CRTAC1: variants seen among roughly 807,000 people sequenced by gnomAD.
CRTAC1 encodes acidic secreted protein in cartilage.
In CRTAC1, 37 loss-of-function variants were observed where a neutral mutation model predicts 67.8. The ratio of observed to expected loss-of-function variants is 0.55; its 90% CI spans 0.42 to 0.72. The LOEUF is 0.72. CRTAC1 is among the 30% of genes least tolerant of loss of function. The probability of loss-of-function intolerance (pLI) is 0.00; values close to 1 mark genes in which losing one functional copy is unlikely to be tolerated. For missense variants in CRTAC1, 780 were observed against 931.6 expected, an observed-to-expected ratio of 0.84 and a Z score of 2.12; for synonymous variants, 348 against 371.0, an observed-to-expected ratio of 0.94 and a Z score of 0.71.
chr10:97,885,784 G>A (rs1203914444), intron 11 of CRTAC1, among the ~76,000 whole-genome samples: 4 of 152,152 alleles, frequency 2.6e-5, no homozygotes, highest in Non-Finnish European at 5.9e-5. Context: ...GCAGATGTGG[G>A]GACACGGGGT....
chr10:97,895,592 T>C lies in CRTAC1; in HGVS notation c.1318-179A>G, dbSNP rs1564882772. 1.3e-5 allele frequency among the ~76,000 whole-genome samples: 2 copies of C among 151,962 alleles called. No homozygotes were observed. Among genetic ancestry groups the C allele is most frequent in the Admixed American group, 6.5e-5 (1 of 15,268 alleles). The stretch of plus-strand genomic sequence containing the variant: ...GAAAAATGAATGAGGCGAAGACAGA[T>C]TGGCTGAATGAAGGAGAGGCACTGC... On this transcript the variant is annotated intron_variant, in intron 10 of 14. Transcript: ENST00000370597. This position sits in a 1 kb window ranked among gnomAD's most constrained non-coding sequence, Gnocchi z 4.2.
intron 14 of CRTAC1, chr10:97,867,354 A>G (rs1385482955): frequency 1.3e-5 from 2 of 152,198 alleles, no homozygotes; most frequent in African/African-American, 2.4e-5. Context: ...GGGGCTGCCT[A>G]TCTCAGTTGG....
intron 11 of CRTAC1, among the ~76,000 whole-genome samples, chr10:97,892,040 T>G (rs994695002): frequency 1.1e-4 from 16 of 152,296 alleles, no homozygotes; most frequent in African/African-American, 3.6e-4. Context: ...TCCCAGGGCC[T>G]TGCAAAATAG....
chr10:97,938,310 G>C (rs1417909059), intron 2 of CRTAC1, among the ~76,000 whole-genome samples: 2 of 152,198 alleles, frequency 1.3e-5, no homozygotes, highest in African/African-American at 4.8e-5. Context: ...GGCTGAACAC[G>C]AGTCTTGCAA....
chr10:97,959,701 GA>G (rs1207575430), intron 2 of CRTAC1, among the ~76,000 whole-genome samples: 7 of 152,218 alleles, frequency 4.6e-5, no homozygotes, highest in Non-Finnish European at 1.0e-4. Context: ...AGGTAAGGCG[GA>G]TATGTTGTCC....
chr10:97,901,718 G>T, intron 7 of CRTAC1, 79 bp from the exon 8 acceptor site: 1 of 1,549,870 alleles, frequency 6.5e-7, no homozygotes, highest in Non-Finnish European at 8.8e-7. Flanking sequence ...TGGAGTGTGG[G>T]GGCAATTAAA....
At chr10:97,943,996 G>T (rs1301004496) in intron 2 of CRTAC1, among the ~76,000 whole-genome samples, 1 of 152,170 alleles carries the variant, frequency 6.6e-6, no homozygotes, top group Non-Finnish European at 1.5e-5. Flanking sequence ...AAATTAATTT[G>T]GGCTTAGTAC....
At chr10:97,963,641 T>G (rs1327907267) in intron 2 of CRTAC1, among the ~76,000 whole-genome samples, 1 of 152,236 alleles carries the variant, frequency 6.6e-6, no homozygotes, top group East Asian at 1.9e-4. Context: ...ACTCACAGCC[T>G]ATAAAAAAAT....
chr10:98,020,344 C>G (rs1843090607), intron 1 of CRTAC1, among the ~76,000 whole-genome samples: 1 of 147,036 alleles, frequency 6.8e-6, no homozygotes, highest in Middle Eastern at 3.2e-3. Flanking sequence ...AGGCATTACT[C>G]TAACCCTTCA....
At chr10:97,944,261 C>T (rs1470952292) in intron 2 of CRTAC1, among the ~76,000 whole-genome samples, 1 of 151,976 alleles carries the variant, frequency 6.6e-6, no homozygotes, top group African/African-American at 2.4e-5. Flanking sequence ...AACCCCATCT[C>T]TACTAAAAAA....
At chr10:98,027,501 T>C (rs1190343892) in intron 1 of CRTAC1, among the ~76,000 whole-genome samples, 1 of 152,104 alleles carries the variant, frequency 6.6e-6, no homozygotes, top group Admixed American at 6.5e-5. Flanking sequence ...CCAACATTCC[T>C]TGGCGCTCCA....
intron 14 of CRTAC1, chr10:97,875,726 A>G (rs2050139875): frequency 6.6e-6 from 1 of 152,166 alleles, no homozygotes; most frequent in Admixed American, 6.5e-5. Flanking sequence ...TGAAGTGCTC[A>G]TCTTCCTGTC....
At chr10:97,944,500 T>A (rs574646298) in intron 2 of CRTAC1, among the ~76,000 whole-genome samples, 6 of 152,236 alleles carry the variant, frequency 3.9e-5, no homozygotes, top group Admixed American at 3.3e-4. Flanking sequence ...GGATTTAATC[T>A]AAGGCTAAGA....
At chr10:97,913,384 AG>A (rs2050716775) in intron 5 of CRTAC1, among the ~76,000 whole-genome samples, 1 of 152,138 alleles carries the variant, frequency 6.6e-6, no homozygotes, top group Admixed American at 6.5e-5. Flanking sequence ...TGTTAAGGCA[AG>A]GGGTGGGGCA....
intron 4 of CRTAC1, among the ~76,000 whole-genome samples, chr10:97,919,719 T>C (rs765505707): frequency 3.3e-5 from 5 of 151,238 alleles, no homozygotes; most frequent in Non-Finnish European, 5.9e-5. Context: ...AAAACCGCCA[T>C]GTGATTCCTG....
intron 2 of CRTAC1, among the ~76,000 whole-genome samples, chr10:97,981,558 C>T (rs1231466718): frequency 2.0e-5 from 3 of 152,156 alleles, no homozygotes; most frequent in African/African-American, 7.2e-5. Context: ...AAAGTTGCTT[C>T]TGGTTTTTTT....
intron 13 of CRTAC1, among the ~76,000 whole-genome samples, chr10:97,881,526 C>T (rs537786864): frequency 1.2e-4 from 18 of 152,332 alleles, no homozygotes; most frequent in South Asian, 6.2e-4. Flanking sequence ...CTTGTGGAGG[C>T]GCGGGGGTGG....
At chr10:97,871,757 G>A (rs534455357) in intron 14 of CRTAC1, among the ~76,000 whole-genome samples, 13 of 152,318 alleles carry the variant, frequency 8.5e-5, no homozygotes, top group African/African-American at 2.6e-4. Flanking sequence ...AGAGTGAGAC[G>A]TGGGAGAAGA....
chr10:97,890,300 G>A (rs565205393), intron 11 of CRTAC1, among the ~76,000 whole-genome samples: 1 of 152,186 alleles, frequency 6.6e-6, no homozygotes, highest in East Asian at 1.9e-4. Context: ...TAGAAAGGGG[G>A]GTCTCGCCAT....
Sources: gnomAD v4.1 joint callset for allele counts (sites outside exome capture counted in the v4.1 genomes callset) on GRCh38, gnomAD v4.1.1 for gene constraint, Gnocchi (gnomAD v3.1) non-coding constraint, MANE v1.5 for transcripts, NCBI Gene and HGNC (gene_info 2026-07-23, HGNC 2026-07-21) for gene names.